The following NEK10 variants were observed in gnomAD, a reference collection of about 807,000 sequenced individuals.
NEK10 encodes the protein NIMA related kinase 10.
In NEK10, 122 loss-of-function variants were observed where a neutral mutation model predicts 159.8. The ratio of observed to expected loss-of-function variants is 0.76; its 90% CI spans 0.66 to 0.89. NEK10 has a LOEUF of 0.89. Among genes scored for constraint, NEK10 ranks in the 40% least tolerant of loss-of-function variants. NEK10 has a pLI of 0.00. For synonymous variants in NEK10, 466 were observed against 457.1 expected (o/e 1.02, Z -0.25); for missense variants, 1,342 against 1,323.1 (o/e 1.01, Z -0.22).
intron 30 of NEK10, among the ~76,000 whole-genome samples, chr3:27,155,528 AAAATAAAATAAAAT>A (rs1209149205): frequency 1.3e-5 from 2 of 148,324 alleles, no homozygotes; most frequent in Non-Finnish European, 3.0e-5. Flanking sequence ...AAAATAAAAT[AAAATAAAATAAAAT>A]AAAATAAAAT....
intron 22 of NEK10, among the ~76,000 whole-genome samples, chr3:27,270,313 C>A (rs2041233967): frequency 6.6e-6 from 1 of 152,080 alleles, no homozygotes; most frequent in Non-Finnish European, 1.5e-5. Context: ...GGCACTCACT[C>A]CAGTCAAAAC....
intron 22 of NEK10, among the ~76,000 whole-genome samples, chr3:27,264,252 A>C (rs1229187668): frequency 6.6e-6 from 1 of 152,184 alleles, no homozygotes; most frequent in African/African-American, 2.4e-5. Flanking sequence ...CACAAACTCT[A>C]CCAGAAAATA....
At chr3:27,265,956 G>C (rs943347088) in intron 22 of NEK10, among the ~76,000 whole-genome samples, 2 of 151,708 alleles carry the variant, frequency 1.3e-5, no homozygotes, top group African/African-American at 4.8e-5. Context: ...ACAGGTGTCC[G>C]CCACCACGCC....
intron 26 of NEK10, among the ~76,000 whole-genome samples, chr3:27,183,066 A>G (rs992016395): frequency 1.3e-5 from 2 of 152,048 alleles, no homozygotes; most frequent in African/African-American, 2.4e-5. Flanking sequence ...AAATAACTAA[A>G]TGAATGCAAT....
Position 27,337,230 on chromosome 3 carries a change from C to CA in NEK10, c.362+7041dup, listed in dbSNP as rs1398346337. On this transcript the variant is annotated intron_variant, in intron 5 of 35. Coordinates refer to ENST00000691995, the MANE Select transcript of NEK10 (RefSeq NM_001394966.1). ...GGACAATCCTATTTCCGATAGCTAC[C>CA]AAAAAAATAAAATACCTAGAAAAAT... is the stretch of plus-strand genomic sequence containing the variant. Among the ~76,000 whole-genome samples the CA allele has an allele frequency of 2.0e-5, 3 of 151,632 alleles. 1 individual carries two copies. Among genetic ancestry groups the CA allele is most frequent in the African/African-American group, 7.3e-5 (3 of 41,308 alleles).
chr3:27,305,114 A>T, intron 11 of NEK10, 143 bp from the exon 12 acceptor site: 1 of 623,098 alleles, frequency 1.6e-6, no homozygotes, highest in South Asian at 1.9e-5. Context: ...TTCTGTAAGG[A>T]GCCCGATCAA....
At chr3:27,125,062 G>C (rs1941788888) in intron 32 of NEK10, among the ~76,000 whole-genome samples, 1 of 152,054 alleles carries the variant, frequency 6.6e-6, no homozygotes, top group Non-Finnish European at 1.5e-5. Context: ...CAGTTCTAAA[G>C]AGCAAATGAC....
intron 8 of NEK10, 43 bp from the exon 9 acceptor site, chr3:27,311,059 A>C (rs1211243276): frequency 5.6e-6 from 7 of 1,242,130 alleles, no homozygotes; most frequent in Non-Finnish European, 5.9e-6. Flanking sequence ...CCAGAGATTA[A>C]AGGGGGAGTA....
intron 23 of NEK10, among the ~76,000 whole-genome samples, chr3:27,205,776 A>G (rs1243396769): frequency 3.6e-5 from 5 of 137,988 alleles, no homozygotes; most frequent in African/African-American, 1.4e-4. Context: ...CCTAGGCATT[A>G]CCATTCAGGA....
intron 23 of NEK10, among the ~76,000 whole-genome samples, chr3:27,210,467 T>G (rs1575266035): frequency 6.6e-6 from 1 of 152,186 alleles, no homozygotes; most frequent in South Asian, 2.1e-4. Context: ...ACATGGGGAA[T>G]TAAGTTTCAA....
chr3:27,348,970 T>A (rs2047771001), intron 3 of NEK10, among the ~76,000 whole-genome samples: 1 of 152,146 alleles, frequency 6.6e-6, no homozygotes, highest in Non-Finnish European at 1.5e-5. Context: ...AGTGTATTTG[T>A]TGCAGACACA....
At chr3:27,202,924 G>A (rs1950176820) in intron 23 of NEK10, among the ~76,000 whole-genome samples, 1 of 152,154 alleles carries the variant, frequency 6.6e-6, no homozygotes, top group Admixed American at 6.5e-5. Flanking sequence ...CTTCTGGGCA[G>A]TGCTCATCAT....
chr3:27,281,602 T>G (rs537789413), intron 22 of NEK10, among the ~76,000 whole-genome samples: 17 of 152,106 alleles, frequency 1.1e-4, no homozygotes, highest in African/African-American at 4.1e-4. Context: ...ATAAAAATAT[T>G]TGTAGCAAGC....
chr3:27,277,737 A>G (rs1416620883), intron 22 of NEK10, among the ~76,000 whole-genome samples: 1 of 152,166 alleles, frequency 6.6e-6, no homozygotes, highest in African/African-American at 2.4e-5. Context: ...CTATATAACT[A>G]TTCACTCATA....
At chr3:27,219,726 A>T (rs1198551042) in intron 23 of NEK10, among the ~76,000 whole-genome samples, 1 of 152,182 alleles carries the variant, frequency 6.6e-6, no homozygotes, top group Admixed American at 6.5e-5. Context: ...TTTCTAGTTG[A>T]GTCACTTAGT....
At chr3:27,240,865 G>A (rs1462733422) in intron 23 of NEK10, among the ~76,000 whole-genome samples, 4 of 144,824 alleles carry the variant, frequency 2.8e-5, no homozygotes, top group Non-Finnish European at 5.9e-5. Flanking sequence ...TGTTGGCCAG[G>A]CTGGTCTCGA....
At chr3:27,218,586 C>T (rs577927890) in intron 23 of NEK10, among the ~76,000 whole-genome samples, 23 of 132,122 alleles carry the variant, frequency 1.7e-4, no homozygotes, top group African/African-American at 6.0e-4. Flanking sequence ...GCCTGGGCAA[C>T]GTATCAAGTC....
rs967533950 is a variant in NEK10 at position 27,253,648 on chromosome 3, A to G, written c.2090+2648T>C. On this transcript the variant is annotated intron_variant, in intron 23 of 35. Coordinates refer to ENST00000691995, the MANE Select transcript of NEK10 (RefSeq NM_001394966.1). ...CCTTTCTTCCATTCAGTAAGTTAAT[A>G]TCTGAGGAAGCAAAAGCAAATGGAA... Among the ~76,000 whole-genome samples, 8 of 152,236 alleles carry G rather than the reference A, an allele frequency of 5.3e-5. No homozygotes were observed. The East Asian group carries it at 1.5e-3, about 29-fold the overall frequency.
At position 27,180,330 on chromosome 3, in the gene NEK10, G is replaced by A. The variant is rs554171474; in HGVS notation, c.2506-5497C>T. On this transcript the variant is annotated intron_variant, in intron 26 of 35. Transcript: ENST00000691995. ...GAATCACTTGAACATGGGAGGTGGAGGTTGCAGTGAGCCAAGATCACACCA... is the reference window on the plus strand; with the variant it reads ...GAATCACTTGAACATGGGAGGTGGAAGTTGCAGTGAGCCAAGATCACACCA... Among the ~76,000 whole-genome samples the A allele has an allele frequency of 5.9e-5, 9 of 151,842 alleles. No homozygotes were observed. The South Asian group carries it at 1.9e-3, about 32-fold the overall frequency.
Sources: gnomAD v4.1 joint callset for allele counts (sites outside exome capture counted in the v4.1 genomes callset) on GRCh38, gnomAD v4.1.1 for gene constraint, MANE v1.5 for transcripts, NCBI Gene and HGNC (gene_info 2026-07-23, HGNC 2026-07-21) for gene names.